Variants in XYLT1 observed in about 807,000 individuals in gnomAD.
XYLT1 encodes the protein beta-D-xylosyltransferase 1.
Under a neutral mutation model 91.3 loss-of-function variants are expected in XYLT1, and 36 were observed. The ratio of observed to expected loss-of-function variants is 0.39; its 90% CI spans 0.30 to 0.52. The LOEUF (loss-of-function observed/expected upper bound fraction) is 0.52, where lower values mean the gene tolerates loss of function less well. Among genes scored for constraint, XYLT1 ranks in the 20% least tolerant of loss-of-function variants. The pLI is 0.68. For synonymous variants in XYLT1, 588 were observed against 532.0 expected, an observed-to-expected ratio of 1.11 and a Z score of -1.45; for missense variants, 1,242 against 1,284.5, an observed-to-expected ratio of 0.97 and a Z score of 0.51.
intron 2 of XYLT1, among the ~76,000 whole-genome samples, chr16:17,306,311 C>T (rs568267765): frequency 4.6e-5 from 7 of 152,130 alleles, no homozygotes; most frequent in Non-Finnish European, 8.8e-5. Flanking sequence ...GAGAAAAATT[C>T]GAGCTACACA....
At chr16:17,191,525 G>A (rs943511296) in intron 5 of XYLT1, among the ~76,000 whole-genome samples, 6 of 152,196 alleles carry the variant, frequency 3.9e-5, no homozygotes, top group African/African-American at 1.4e-4. Context: ...GTTGTGTTTT[G>A]GGGGATGGGA....
At chr16:17,163,766 G>C (rs2031606054) in intron 5 of XYLT1, among the ~76,000 whole-genome samples, 1 of 152,144 alleles carries the variant, frequency 6.6e-6, no homozygotes, top group South Asian at 2.1e-4. Flanking sequence ...ACACATGAAA[G>C]ACTATGGGGA....
intron 1 of XYLT1, among the ~76,000 whole-genome samples, chr16:17,458,008 T>C (rs1027558502): frequency 6.6e-6 from 1 of 152,234 alleles, no homozygotes; most frequent in Admixed American, 6.5e-5. Flanking sequence ...ACTTGATCCA[T>C]CTAGTCTGGT....
At chr16:17,432,904 C>T (rs989247193) in intron 1 of XYLT1, among the ~76,000 whole-genome samples, 1 of 152,096 alleles carries the variant, frequency 6.6e-6, no homozygotes, top group African/African-American at 2.4e-5. Flanking sequence ...GCAAGGGCCA[C>T]GTATTTGATT....
intron 2 of XYLT1, among the ~76,000 whole-genome samples, chr16:17,337,836 A>G (rs1241304827): frequency 7.2e-6 from 1 of 139,524 alleles, no homozygotes; most frequent in Non-Finnish European, 1.5e-5. Context: ...GCTGGAGCGC[A>G]GTGACGCCAT....
chr16:17,160,662 A>G (rs980265468), intron 5 of XYLT1, among the ~76,000 whole-genome samples: 1 of 152,140 alleles, frequency 6.6e-6, no homozygotes, highest in African/African-American at 2.4e-5. Context: ...ACAGAGGTGA[A>G]CCCAGGGGAT....
intron 11 of XYLT1, among the ~76,000 whole-genome samples, chr16:17,111,714 C>T (rs1966841199): frequency 6.6e-6 from 1 of 152,190 alleles, no homozygotes; most frequent in Non-Finnish European, 1.5e-5. Flanking sequence ...CCTTCAATTC[C>T]CAATGCCCCA....
rs536243354 is a variant in XYLT1 at position 17,147,162 on chromosome 16, C to T, written c.1371-5793G>A. On this transcript the variant is annotated intron_variant, in intron 6 of 11. Coordinates refer to ENST00000261381, the MANE Select transcript of XYLT1 (RefSeq NM_022166.4). ...TTTTTTGTAATACAGTATTAACCCA[C>T]TGAAATGTAACTGAGCTCTAACTGG... Among the ~76,000 whole-genome samples the T allele has an allele frequency of 1.1e-4, 16 of 152,304 alleles. No homozygotes were observed. In the South Asian group the frequency reaches 2.9e-3, roughly 28 times the overall value.
chr16:17,121,982 A>ACG (rs1462897785), intron 10 of XYLT1, among the ~76,000 whole-genome samples: 4 of 143,518 alleles, frequency 2.8e-5, no homozygotes, highest in Admixed American at 6.9e-5. Flanking sequence ...ATATATGCGC[A>ACG]CACACACACA....
At chr16:17,428,047 G>C (rs1347706573) in intron 1 of XYLT1, among the ~76,000 whole-genome samples, 1 of 152,140 alleles carries the variant, frequency 6.6e-6, no homozygotes. Context: ...CTGAAGTGCA[G>C]TGGTGTGATT....
chr16:17,112,551 T>G (rs1026198981), intron 11 of XYLT1, among the ~76,000 whole-genome samples: 3 of 152,048 alleles, frequency 2.0e-5, no homozygotes, highest in African/African-American at 7.2e-5. Flanking sequence ...GACCAACAGG[T>G]GTACCTGAAG....
chr16:17,222,820 C>T (rs1334809329), intron 3 of XYLT1, among the ~76,000 whole-genome samples: 2 of 145,528 alleles, frequency 1.4e-5, no homozygotes, highest in African/African-American at 2.5e-5. Context: ...AAGAATCCTG[C>T]ATTCCTCCCT....
chr16:17,418,918 T>A (rs2036215169), intron 1 of XYLT1, among the ~76,000 whole-genome samples: 1 of 152,166 alleles, frequency 6.6e-6, no homozygotes, highest in South Asian at 2.1e-4. Flanking sequence ...GGGGTCTCTA[T>A]GCCCTCTCTG....
intron 1 of XYLT1, among the ~76,000 whole-genome samples, chr16:17,373,371 T>A (rs953322096): frequency 6.6e-6 from 1 of 152,204 alleles, no homozygotes; most frequent in Non-Finnish European, 1.5e-5. Flanking sequence ...GCTTTTTGAA[T>A]GCTCACACCA....
intron 2 of XYLT1, among the ~76,000 whole-genome samples, chr16:17,308,261 C>G (rs1302715625): frequency 6.6e-6 from 1 of 152,250 alleles, no homozygotes; most frequent in African/African-American, 2.4e-5. Flanking sequence ...GAGCTCCACC[C>G]TGGACCCTGC....
intron 1 of XYLT1, among the ~76,000 whole-genome samples, chr16:17,390,344 T>A (rs2035801636): frequency 6.6e-6 from 1 of 152,128 alleles, no homozygotes; most frequent in African/African-American, 2.4e-5. Context: ...AATTAATACT[T>A]CGGGGTGGGG....
chr16:17,128,731 A>G (rs912501069), intron 9 of XYLT1, among the ~76,000 whole-genome samples: 1 of 152,240 alleles, frequency 6.6e-6, no homozygotes, highest in Non-Finnish European at 1.5e-5. Flanking sequence ...TGAAAAGGGC[A>G]GGGAAGTGAA....
intron 1 of XYLT1, among the ~76,000 whole-genome samples, chr16:17,373,338 C>T (rs1038848974): frequency 2.0e-5 from 3 of 152,162 alleles, no homozygotes; most frequent in African/African-American, 7.2e-5. Flanking sequence ...CTACTATGTG[C>T]CTCAACCTAG....
chr16:17,467,113 C>T (rs1035360852), intron 1 of XYLT1, among the ~76,000 whole-genome samples: 1 of 152,198 alleles, frequency 6.6e-6, no homozygotes, highest in South Asian at 2.1e-4. Flanking sequence ...TCAAAGGCGT[C>T]GGATAATACA....
Sources: allele counts gnomAD v4.1 joint callset (sites outside exome capture counted in the v4.1 genomes callset), GRCh38; gene constraint gnomAD v4.1.1; transcripts MANE v1.5; gene names NCBI Gene and HGNC (gene_info 2026-07-23, HGNC 2026-07-21).